Variants in SLC39A11 observed in about 807,000 individuals in gnomAD.
The protein encoded by SLC39A11 is solute carrier family 39 member 11.
Under a neutral mutation model 36.1 loss-of-function variants are expected in SLC39A11, and 33 were observed. The ratio of observed to expected loss-of-function variants is 0.91; its 90% CI spans 0.69 to 1.22. The LOEUF is 1.22. SLC39A11 is among the 50% of genes most tolerant of loss of function. SLC39A11 has a pLI of 0.00. For synonymous variants in SLC39A11, 166 were observed against 170.3 expected (o/e 0.97, Z 0.20); for missense variants, 432 against 430.3 (o/e 1.00, Z -0.03).
chr17:72,950,389 C>A lies in SLC39A11; in HGVS notation c.307-2514G>T, dbSNP rs538370876. Among the ~76,000 whole-genome samples, 52 of 152,316 alleles carry A rather than the reference C, an allele frequency of 3.4e-4. No homozygotes were observed. The South Asian group carries it at 0.01, about 30-fold the overall frequency. ...CTACAGATGGCCAGAATCCTGGGAA[C>A]AGAGAGGCTTTGGGAAGGCCGGTCT... is the stretch of plus-strand genomic sequence containing the variant. On this transcript the variant is annotated intron_variant, in intron 4 of 9. Coordinates refer to ENST00000255559, the MANE Select transcript of SLC39A11 (RefSeq NM_139177.4).
chr17:73,047,966 C>CAAAAAAAA lies in SLC39A11; in HGVS notation c.148-16260_148-16253dup, dbSNP rs1165334910. Among the ~76,000 whole-genome samples, 13 of 20,488 alleles carry CAAAAAAAA rather than the reference C, an allele frequency of 6.3e-4. 1 individual carries two copies. The highest frequency in any genetic ancestry group is 1.4e-3 in the Admixed American group (2 of 1,404). 13.4% of individuals were successfully genotyped at this position (20,488 alleles called of 152,430 possible). A position where few individuals can be genotyped will look rare whatever the true frequency, so the allele number is the denominator to read the frequency against. On this transcript the variant is annotated intron_variant, in intron 3 of 9. Coordinates refer to ENST00000255559, the MANE Select transcript of SLC39A11 (RefSeq NM_139177.4). ...CTGGCGACAGAGCAAGACTCCATCT[C>CAAAAAAAA]AAAAAAAAAAAAAAAAAAAAAAAAA... is the stretch of plus-strand genomic sequence containing the variant.
intron 7 of SLC39A11, among the ~76,000 whole-genome samples, chr17:72,659,464 G>A (rs935114685): frequency 6.6e-6 from 1 of 151,994 alleles, no homozygotes; most frequent in African/African-American, 2.4e-5. Context: ...GGCGGGGTGA[G>A]CTAGGTCTTC....
chr17:73,066,709 T>A (rs1386879700), intron 3 of SLC39A11, among the ~76,000 whole-genome samples: 1 of 152,130 alleles, frequency 6.6e-6, no homozygotes, highest in Non-Finnish European at 1.5e-5. Context: ...GGAAACAGCC[T>A]GAAAGTGGAG....
chr17:72,781,995 T>C (rs1325287132), intron 6 of SLC39A11, among the ~76,000 whole-genome samples: 10 of 152,094 alleles, frequency 6.6e-5, no homozygotes, highest in Non-Finnish European at 1.3e-4. Flanking sequence ...TACATACATA[T>C]ATTCAAGTCC....
intron 5 of SLC39A11, among the ~76,000 whole-genome samples, chr17:72,938,532 C>G (rs1307248517): frequency 6.6e-6 from 1 of 152,138 alleles, no homozygotes; most frequent in Non-Finnish European, 1.5e-5. Context: ...CTAAAGATCC[C>G]AAGCACTCAA....
intron 6 of SLC39A11, among the ~76,000 whole-genome samples, chr17:72,774,269 G>A (rs1330625487): frequency 3.3e-5 from 5 of 152,174 alleles, no homozygotes; most frequent in Admixed American, 1.3e-4. Context: ...TGTGTCTAAT[G>A]GGACAGTGAC....
chr17:72,736,176 G>A (rs976711973), intron 7 of SLC39A11, among the ~76,000 whole-genome samples: 1 of 152,150 alleles, frequency 6.6e-6, no homozygotes, highest in South Asian at 2.1e-4. Context: ...CTGGATACAG[G>A]TCCCTGGGAA....
At chr17:72,818,793 T>G (rs2077668297) in intron 6 of SLC39A11, 1 of 152,176 alleles carries the variant, frequency 6.6e-6, no homozygotes. Context: ...TCTGAGCAAT[T>G]AATTAGATTA....
At chr17:72,817,757 T>G (rs2077632101) in intron 6 of SLC39A11, 1 of 152,216 alleles carries the variant, frequency 6.6e-6, no homozygotes, top group African/African-American at 2.4e-5. Context: ...AAACATAGGA[T>G]AAACCCAAAC....
At chr17:72,860,282 T>C (rs370942220) in intron 5 of SLC39A11, among the ~76,000 whole-genome samples, 6 of 152,126 alleles carry the variant, frequency 3.9e-5, no homozygotes, top group African/African-American at 1.4e-4. Context: ...GATTCAGACA[T>C]GGGATCCACC....
intron 7 of SLC39A11, among the ~76,000 whole-genome samples, chr17:72,680,165 G>A (rs930187137): frequency 9.3e-5 from 14 of 149,898 alleles, no homozygotes; most frequent in African/African-American, 3.5e-4. Flanking sequence ...TCACAGTGTT[G>A]TGCAACCATC....
intron 3 of SLC39A11, among the ~76,000 whole-genome samples, chr17:73,077,178 T>A (rs1000393937): frequency 6.6e-6 from 1 of 152,214 alleles, no homozygotes. Flanking sequence ...GGGAAACATG[T>A]ATGAGAATCC....
chr17:72,895,485 G>A (rs1567902112), intron 5 of SLC39A11, among the ~76,000 whole-genome samples: 1 of 151,866 alleles, frequency 6.6e-6, no homozygotes, highest in Non-Finnish European at 1.5e-5. Flanking sequence ...AGGCTGAGGC[G>A]GGAGAATTGC....
At chr17:72,649,453 G>C (rs1345406929) in intron 7 of SLC39A11, among the ~76,000 whole-genome samples, 185 bp from the exon 8 acceptor site, 1 of 152,226 alleles carries the variant, frequency 6.6e-6, no homozygotes, top group Non-Finnish European at 1.5e-5. Context: ...GGCTGCAGGA[G>C]GGAGTGACGT....
intron 7 of SLC39A11, among the ~76,000 whole-genome samples, chr17:72,685,450 T>TTGAAAA (rs1555636515): frequency 1.3e-5 from 2 of 151,766 alleles, no homozygotes; most frequent in African/African-American, 2.4e-5. Flanking sequence ...GCAGGATCTT[T>TTGAAAA]GTGTGTTCAA....
intron 5 of SLC39A11, among the ~76,000 whole-genome samples, chr17:72,926,836 C>T (rs2452915): frequency 0.37 from 56,483 of 151,878 alleles, 10,731 homozygotes; most frequent in Admixed American, 0.46. Context: ...GTGGCCCTTT[C>T]TGCTCCTGAC....
chr17:73,075,651 G>C (rs1307825182), intron 3 of SLC39A11, among the ~76,000 whole-genome samples: 1 of 152,162 alleles, frequency 6.6e-6, no homozygotes, highest in East Asian at 1.9e-4. Flanking sequence ...TAAGGAGTTT[G>C]AGACCAGCCT....
rs150639028 is a variant in SLC39A11 at position 72,661,533 on chromosome 17, G to A, written c.672-12265C>T. ...GAGCGTGTGTGTTCTTGTGTGGCAG[G>A]CCCTTACATACTGTTTTGATTGTTA... is the stretch of plus-strand genomic sequence containing the variant. On this transcript the variant is annotated intron_variant, in intron 7 of 9. Coordinates refer to ENST00000255559, the MANE Select transcript of SLC39A11 (RefSeq NM_139177.4). 9.9e-4 allele frequency among the ~76,000 whole-genome samples: 151 copies of A among 152,286 alleles called. 4 individuals carry two copies. The East Asian group carries it at 0.027, about 27-fold the overall frequency.
chr17:72,853,476 C>A (rs74655971), intron 5 of SLC39A11, among the ~76,000 whole-genome samples: 2,426 of 152,132 alleles, frequency 0.016, 72 homozygotes, highest in African/African-American at 0.051. Flanking sequence ...CTCTGAATCT[C>A]CTGCAGATAC....
Sources: allele counts gnomAD v4.1 joint callset (sites outside exome capture counted in the v4.1 genomes callset), GRCh38; gene constraint gnomAD v4.1.1; transcripts MANE v1.5; gene names NCBI Gene and HGNC (gene_info 2026-07-23, HGNC 2026-07-21).